Variants in AGPS observed in about 807,000 individuals in gnomAD.
AGPS encodes alkylglycerone phosphate synthase.
In AGPS, 26 loss-of-function variants were observed where a neutral mutation model predicts 90.7. That is an observed-to-expected ratio of 0.29 (90% CI 0.21 to 0.40). The LOEUF (loss-of-function observed/expected upper bound fraction) is 0.40, where lower values mean the gene tolerates loss of function less well. Ranked by LOEUF, AGPS falls within the 10% of genes least tolerant of loss-of-function variation. The pLI is 1.00. For synonymous variants in AGPS, 294 were observed against 285.3 expected (o/e 1.03, Z -0.31); for missense variants, 540 against 816.1 (o/e 0.66, Z 4.12).
intron 10 of AGPS, among the ~76,000 whole-genome samples, chr2:177,468,984 T>G (rs1168370657): frequency 6.6e-6 from 1 of 152,102 alleles, no homozygotes; most frequent in Non-Finnish European, 1.5e-5. Context: ...TTTTAAACTT[T>G]TGTTGGTCTT....
At chr2:177,414,194 A>C (rs1197511390) in intron 1 of AGPS, among the ~76,000 whole-genome samples, 1 of 152,012 alleles carries the variant, frequency 6.6e-6, no homozygotes, top group Admixed American at 6.6e-5. Flanking sequence ...CTTGAATTCA[A>C]GTTTTAAAAG....
At chr2:177,446,519 G>A (rs1488331953) in intron 8 of AGPS, among the ~76,000 whole-genome samples, 1 of 152,124 alleles carries the variant, frequency 6.6e-6, no homozygotes, top group Non-Finnish European at 1.5e-5. Context: ...TGTCTTCTTG[G>A]TATTTGTATA....
chr2:177,443,678 G>A (rs1686681095), intron 7 of AGPS, among the ~76,000 whole-genome samples: 1 of 152,014 alleles, frequency 6.6e-6, no homozygotes, highest in African/African-American at 2.4e-5. Context: ...AAGTTCAGAT[G>A]GTGAACACTT....
intron 19 of AGPS, among the ~76,000 whole-genome samples, chr2:177,526,379 G>A (rs1027105062): frequency 2.6e-4 from 40 of 152,052 alleles, no homozygotes; most frequent in African/African-American, 8.2e-4. Context: ...ACAGGCATGC[G>A]CCACAATTCA....
intron 12 of AGPS, 121 bp from the exon 13 acceptor site, chr2:177,497,568 A>G (rs2105709764): frequency 2.3e-6 from 1 of 434,314 alleles, no homozygotes; most frequent in African/African-American, 2.0e-5. Context: ...ACACGGGAAG[A>G]TTTTAAAAAT....
At chr2:177,399,434 A>T (rs1404027576) in intron 1 of AGPS, among the ~76,000 whole-genome samples, 1 of 152,180 alleles carries the variant, frequency 6.6e-6, no homozygotes, top group African/African-American at 2.4e-5. Flanking sequence ...CCTTGTCCCA[A>T]CATCTGGGCT....
chr2:177,537,044 T>A (rs1233343112), intron 19 of AGPS, among the ~76,000 whole-genome samples: 1 of 152,202 alleles, frequency 6.6e-6, no homozygotes, highest in Non-Finnish European at 1.5e-5. Flanking sequence ...AATGAACATT[T>A]GTAGAAAATG....
chr2:177,460,542 C>T (rs922268148), intron 8 of AGPS, among the ~76,000 whole-genome samples: 13 of 152,164 alleles, frequency 8.5e-5, no homozygotes, highest in Non-Finnish European at 1.9e-4. Context: ...TATGTGAAAC[C>T]TCTCTTTTCA....
chr2:177,460,785 G>A (rs1687268884), intron 8 of AGPS, among the ~76,000 whole-genome samples: 1 of 151,982 alleles, frequency 6.6e-6, no homozygotes, highest in South Asian at 2.1e-4. Context: ...TTTAATAGAT[G>A]GATATTAATC....
chr2:177,431,735 G>T (rs115613163), intron 2 of AGPS, among the ~76,000 whole-genome samples: 1 of 152,044 alleles, frequency 6.6e-6, no homozygotes, highest in African/African-American at 2.4e-5. Flanking sequence ...GCCTGACCCC[G>T]CAGGCAGTCA....
intron 1 of AGPS, among the ~76,000 whole-genome samples, chr2:177,395,296 T>C (rs1403769978): frequency 6.6e-6 from 1 of 152,184 alleles, no homozygotes; most frequent in Non-Finnish European, 1.5e-5. Context: ...TGAAGGTGAC[T>C]GGTCAGGGAT....
intron 17 of AGPS, among the ~76,000 whole-genome samples, chr2:177,519,115 ATTCC>A (rs1265883603): frequency 2.0e-5 from 3 of 151,996 alleles, no homozygotes; most frequent in African/African-American, 7.2e-5. Context: ...GGTTTTTCTT[ATTCC>A]TGATGTCAGA....
chr2:177,437,491 G>A (rs1686450194), intron 5 of AGPS, among the ~76,000 whole-genome samples: 1 of 152,246 alleles, frequency 6.6e-6, no homozygotes, highest in East Asian at 1.9e-4. Flanking sequence ...GTTTATGCAT[G>A]CTATGTTTAA....
intron 11 of AGPS, among the ~76,000 whole-genome samples, chr2:177,486,051 A>G (rs1688083586): frequency 6.6e-6 from 1 of 152,274 alleles, no homozygotes; most frequent in Admixed American, 6.5e-5. Flanking sequence ...TAGCTATGAC[A>G]GTTCAGTTCT....
rs541015316 is a variant in AGPS, at chr2:177,525,176, A to G, written c.1855+1371A>G. On this transcript the variant is annotated intron_variant, in intron 19 of 19. Transcript: ENST00000264167. ...GGAATTAAAAGCTTCCGATTACTCT[A>G]AAAGTCCAAACCTAATTTTGGAAAT... 4.7e-4 allele frequency among the ~76,000 whole-genome samples: 72 copies of G among 152,312 alleles called. No individual in the cohort carries two copies. The South Asian group carries it at 0.014, about 31-fold the overall frequency.
chr2:177,521,907 C>T (rs927063118), intron 18 of AGPS, among the ~76,000 whole-genome samples: 6 of 152,214 alleles, frequency 3.9e-5, no homozygotes, highest in Admixed American at 2.0e-4. Context: ...CTTATGAGTA[C>T]GCCTAAACAG....
chr2:177,452,244 G>A (rs1686972526), intron 8 of AGPS, among the ~76,000 whole-genome samples: 1 of 152,062 alleles, frequency 6.6e-6, no homozygotes, highest in Admixed American at 6.6e-5. Context: ...TTTATTTTCT[G>A]TCTACTTGTT....
intron 10 of AGPS, among the ~76,000 whole-genome samples, chr2:177,479,591 A>C (rs1687884182): frequency 6.6e-6 from 1 of 152,272 alleles, no homozygotes. Context: ...TTGGGAATTA[A>C]AAAGTAATGA....
intron 9 of AGPS, among the ~76,000 whole-genome samples, chr2:177,462,224 A>C (rs2166557): frequency 6.6e-6 from 1 of 150,992 alleles, no homozygotes; most frequent in Non-Finnish European, 1.5e-5. Context: ...CCCCGTCTCT[A>C]CTAAAAATAC....
Sources: allele counts gnomAD v4.1 joint callset (sites outside exome capture counted in the v4.1 genomes callset), GRCh38; gene constraint gnomAD v4.1.1; transcripts MANE v1.5; gene names NCBI Gene and HGNC (gene_info 2026-07-23, HGNC 2026-07-21).